The following ENPP6 variants were observed in gnomAD, a reference collection of about 807,000 sequenced individuals.
ENPP6 encodes ectonucleotide pyrophosphatase/phosphodiesterase 6.
Under a neutral mutation model 42.0 loss-of-function variants are expected in ENPP6, and 32 were observed. The observed-to-expected ratio is 0.76, with a 90% confidence interval of 0.58 to 1.02. The LOEUF (loss-of-function observed/expected upper bound fraction) is 1.02. Among genes scored for constraint, ENPP6 ranks in the 50% least tolerant of loss-of-function variants. The probability of loss-of-function intolerance (pLI) is 0.00; values close to 1 mark genes in which losing one functional copy is unlikely to be tolerated. For missense variants in ENPP6, 552 were observed against 566.8 expected, an observed-to-expected ratio of 0.97 and a Z score of 0.27; for synonymous variants, 213 against 216.0, an observed-to-expected ratio of 0.99 and a Z score of 0.12.
intron 6 of ENPP6, among the ~76,000 whole-genome samples, chr4:184,108,800 T>C (rs940291308): frequency 2.4e-4 from 36 of 152,258 alleles, no homozygotes; most frequent in Non-Finnish European, 2.9e-5. Context: ...TTTGTGTTCA[T>C]GGACATAGGT....
At chr4:184,131,258 C>CTT (rs1289670998) in intron 2 of ENPP6, among the ~76,000 whole-genome samples, 1,560 of 36,134 alleles carry the variant, frequency 0.043, 121 homozygotes, top group African/African-American at 0.068. Context: ...CTTTCTCTTT[C>CTT]TCTTCCTTCC....
At chr4:184,103,553 A>G (rs1162031351) in intron 6 of ENPP6, among the ~76,000 whole-genome samples, 4 of 152,278 alleles carry the variant, frequency 2.6e-5, no homozygotes, top group South Asian at 2.1e-4. Flanking sequence ...GGGTGGCTTC[A>G]GTGAAAACGC....
intron 1 of ENPP6, among the ~76,000 whole-genome samples, chr4:184,188,311 T>C (rs1176159953): frequency 6.6e-6 from 1 of 152,198 alleles, no homozygotes; most frequent in Non-Finnish European, 1.5e-5. Flanking sequence ...CTGTGGGGTA[T>C]ATTCCAAGAC....
intron 2 of ENPP6, among the ~76,000 whole-genome samples, chr4:184,142,713 A>G (rs944256425): frequency 6.6e-6 from 1 of 152,256 alleles, no homozygotes; most frequent in Non-Finnish European, 1.5e-5. Flanking sequence ...AGTGACTAAT[A>G]GGAAACCAAG....
At chr4:184,210,651 C>A (rs1408659111) in intron 1 of ENPP6, among the ~76,000 whole-genome samples, 1 of 141,278 alleles carries the variant, frequency 7.1e-6, no homozygotes, top group Non-Finnish European at 1.5e-5. Flanking sequence ...GACTTTAACA[C>A]CCCACTGTCA....
chr4:184,203,434 G>T (rs753861194), intron 1 of ENPP6, among the ~76,000 whole-genome samples: 1 of 152,164 alleles, frequency 6.6e-6, no homozygotes, highest in Non-Finnish European at 1.5e-5. Flanking sequence ...CCAGCCTCAG[G>T]ACCTGTGAAT....
chr4:184,200,434 T>C (rs1176271598), intron 1 of ENPP6, among the ~76,000 whole-genome samples: 7 of 152,226 alleles, frequency 4.6e-5, no homozygotes, highest in Non-Finnish European at 1.0e-4. Flanking sequence ...TTCAAGCATA[T>C]GTAATTGGCT....
chr4:184,108,943 G>T (rs1474940035), intron 6 of ENPP6, among the ~76,000 whole-genome samples: 1 of 152,238 alleles, frequency 6.6e-6, no homozygotes, highest in African/African-American at 2.4e-5. Context: ...GGACGCAGTG[G>T]CTCACGCCTG....
intron 2 of ENPP6, among the ~76,000 whole-genome samples, chr4:184,131,870 C>T (rs1736642500): frequency 6.6e-6 from 1 of 151,692 alleles, no homozygotes; most frequent in Admixed American, 6.6e-5. Context: ...TTGGCTTCCA[C>T]AATTATGGAG....
intron 1 of ENPP6, among the ~76,000 whole-genome samples, chr4:184,177,955 G>C (rs1181608379): frequency 6.6e-6 from 1 of 152,156 alleles, no homozygotes; most frequent in African/African-American, 2.4e-5. Flanking sequence ...CAAAAAGCCA[G>C]AGTGTCTTCT....
At chr4:184,129,973 TTC>T (rs1736567037) in intron 2 of ENPP6, among the ~76,000 whole-genome samples, 4 of 152,334 alleles carry the variant, frequency 2.6e-5, no homozygotes, top group Admixed American at 2.6e-4. Flanking sequence ...CCTTCTCTGT[TTC>T]TGTTTTGTCG....
rs184954936 is a variant in ENPP6 at position 184,149,296 on chromosome 4, C to T, written c.421+4258G>A. On this transcript the variant is annotated intron_variant, in intron 2 of 7. Transcript: ENST00000296741. ...TAAGGTCAGCCTGACTGAAGGTTGT[C>T]AAGGACCTACCATGGCAGGAAAGAG... Among the ~76,000 whole-genome samples the T allele has an allele frequency of 2.6e-3, 397 of 152,324 alleles. 10 individuals carry two copies. In the South Asian group the frequency reaches 0.06, roughly 23 times the overall value.
intron 2 of ENPP6, among the ~76,000 whole-genome samples, chr4:184,142,287 C>G (rs1040981949): frequency 1.1e-4 from 16 of 152,264 alleles, no homozygotes; most frequent in Non-Finnish European, 2.2e-4. Context: ...CCCCTGTGCG[C>G]TGCATTTTAT....
intron 1 of ENPP6, among the ~76,000 whole-genome samples, chr4:184,214,800 G>A (rs948082243): frequency 3.3e-5 from 5 of 152,174 alleles, no homozygotes; most frequent in Non-Finnish European, 7.4e-5. Context: ...ATGGACACAG[G>A]GAGGGGGACA....
At chr4:184,170,767 G>A (rs1414734531) in intron 1 of ENPP6, among the ~76,000 whole-genome samples, 3 of 152,182 alleles carry the variant, frequency 2.0e-5, no homozygotes, top group East Asian at 1.9e-4. Flanking sequence ...CTCGCGTCAC[G>A]CCATGTGGCT....
At chr4:184,194,577 C>T (rs1732764477) in intron 1 of ENPP6, among the ~76,000 whole-genome samples, 1 of 152,202 alleles carries the variant, frequency 6.6e-6, no homozygotes, top group African/African-American at 2.4e-5. Context: ...AGCACAGGGT[C>T]CTAATAAGCA....
intron 1 of ENPP6, among the ~76,000 whole-genome samples, chr4:184,196,379 T>C (rs1732801976): frequency 6.6e-6 from 1 of 152,260 alleles, no homozygotes; most frequent in Non-Finnish European, 1.5e-5. Flanking sequence ...TGTCCTGGCA[T>C]CTTAAGAACT....
Position 184,211,150 on chromosome 4 carries a change from T to C in ENPP6, c.241+6429A>G, listed in dbSNP as rs553264335. Among the ~76,000 whole-genome samples the C allele has an allele frequency of 1.6e-3, 234 of 149,908 alleles. 1 individual carries two copies. Among genetic ancestry groups the C allele is most frequent in the African/African-American group, 5.5e-3 (225 of 40,834 alleles). On this transcript the variant is annotated intron_variant, in intron 1 of 7. Transcript: ENST00000296741. ...AGAGAAAGCAGGAAAGATCCAAAAT[T>C]GACACCCTAACATCACAATTAAAAG...
intron 1 of ENPP6, among the ~76,000 whole-genome samples, chr4:184,181,423 T>C (rs1378886665): frequency 6.6e-6 from 1 of 152,146 alleles, no homozygotes; most frequent in Non-Finnish European, 1.5e-5. Flanking sequence ...ATTGTGAAAA[T>C]GGCCATACTG....
Sources: allele counts gnomAD v4.1 joint callset (sites outside exome capture counted in the v4.1 genomes callset), GRCh38; gene constraint gnomAD v4.1.1; transcripts MANE v1.5; gene names NCBI Gene and HGNC (gene_info 2026-07-23, HGNC 2026-07-21).